The following TNPO2 variants were observed in gnomAD, a reference collection of about 807,000 sequenced individuals.
TNPO2 encodes the protein transportin 2.
A neutral mutation model predicts 111.1 loss-of-function variants in TNPO2; 16 were observed. The observed-to-expected ratio is 0.14, with a 90% CI of 0.10 to 0.22. The LOEUF is 0.22. Among genes scored for constraint, TNPO2 ranks in the 10% least tolerant of loss-of-function variants. The pLI is 1.00. For missense variants in TNPO2, 530 were observed against 1,173.7 expected (o/e 0.45, Z 8.01); for synonymous variants, 481 against 475.8 (o/e 1.01, Z -0.14).
At chr19:12,712,263 C>T (rs914757527) in intron 10 of TNPO2, among the ~76,000 whole-genome samples, 2 of 152,176 alleles carry the variant, frequency 1.3e-5, no homozygotes, top group African/African-American at 4.8e-5. Flanking sequence ...CGTTACCAGG[C>T]GGATCATGGT....
At chr19:12,709,943 T>G (rs1219052825) in intron 13 of TNPO2, among the ~76,000 whole-genome samples, 3 of 152,174 alleles carry the variant, frequency 2.0e-5, no homozygotes, top group Non-Finnish European at 4.4e-5. Flanking sequence ...TTTTGAAAGC[T>G]TACAAGGTTG....
intron 5 of TNPO2, among the ~76,000 whole-genome samples, chr19:12,718,380 T>C (rs545367234): frequency 6.6e-6 from 1 of 152,298 alleles, no homozygotes; most frequent in South Asian, 2.1e-4. Flanking sequence ...TTGGCCAGGA[T>C]GGTCTTGATT....
At position 12,720,038 on chromosome 19, in the gene TNPO2, A is replaced by G. The variant is rs529742949; in HGVS notation, c.100-702T>C. Among the ~76,000 whole-genome samples the G allele has an allele frequency of 3.3e-5, 5 of 151,638 alleles. No individual in the cohort carries two copies. The South Asian group carries it at 1.0e-3, about 32-fold the overall frequency. On this transcript the variant is annotated intron_variant, in intron 3 of 25. Transcript: ENST00000425528. ...TAAATATTTATTTATTTATTTTCAG[A>G]CAGAGTCTCACTCTGTCACTTAGGC...
chr19:12,711,634 T>C, intron 10 of TNPO2, 21 bp from the exon 11 acceptor site: 1 of 1,611,044 alleles, frequency 6.2e-7, no homozygotes, highest in Non-Finnish European at 8.5e-7. Context: ...AGGGACTGTT[T>C]ATGGGGATGC....
intron 13 of TNPO2, among the ~76,000 whole-genome samples, chr19:12,709,294 G>A (rs936412329): frequency 3.3e-5 from 5 of 150,644 alleles, no homozygotes; most frequent in East Asian, 2.0e-4. Flanking sequence ...CCTGGAAGGC[G>A]GAGGTTGCAG....
At position 12,719,104 on chromosome 19, in the gene TNPO2, G is replaced by C; in HGVS notation, c.250C>G (p.Pro84Ala). 1 of 1,613,986 alleles carries C rather than the reference G, an allele frequency of 6.2e-7. No individual in the cohort carries two copies. The highest frequency in any genetic ancestry group is 8.5e-7 in the Non-Finnish European group (1 of 1,179,896). ...TCCTGTTTGATGAAGTCTGCCACAG[G>C]GGGTGGGAAGCTCTGATAGTGTGCC... ...VKAHYQSFPP[P>A]VADFIKQECL... Residue 84 changes from proline (P) to alanine (A), a missense_variant, in exon 5 of 26, where the codon CCT (proline) becomes GCT (alanine). Coordinates refer to ENST00000425528, the MANE Select transcript of TNPO2 (RefSeq NM_001382241.1). This position sits in a 1 kb window ranked among gnomAD's most constrained non-coding sequence, Gnocchi z 5.0.
At chr19:12,713,044 C>T (rs921582343) in intron 10 of TNPO2, among the ~76,000 whole-genome samples, 1 of 152,202 alleles carries the variant, frequency 6.6e-6, no homozygotes, top group Admixed American at 6.6e-5. Flanking sequence ...AGCCATGGCA[C>T]TCAGCCTGCA....
chr19:12,714,705 A>T, intron 10 of TNPO2, 116 bp downstream of exon 10: 1 of 819,496 alleles, frequency 1.2e-6, no homozygotes, highest in South Asian at 1.5e-5. Flanking sequence ...TATATACTGA[A>T]TGTAAACTGA....
chr19:12,709,495 T>C (rs936842565), intron 13 of TNPO2, among the ~76,000 whole-genome samples: 1 of 151,656 alleles, frequency 6.6e-6, no homozygotes, highest in South Asian at 2.1e-4. Context: ...CTTTAGACAA[T>C]TTTTTTTTGA....
chr19:12,699,320 G>C lies in TNPO2; in HGVS notation c.*1944C>G, dbSNP rs751757599. 2 of 428,584 alleles carry C rather than the reference G, an allele frequency of 4.7e-6. No individual in the cohort carries two copies. The highest frequency in any genetic ancestry group is 2.1e-5 in the African/African-American group (1 of 48,688). The allele number at this position is 428,584 out of a possible 1,614,324, so 26.5% of individuals were successfully genotyped here. ...GGACAGACCCGGGAGCCCGCAGGGG[G>C]AAGAGGGTGAGGAGGGAAAGAGGGA... On this transcript the variant is annotated 3_prime_UTR_variant, in exon 26 of 26. Transcript: ENST00000425528.
At position 12,710,608 on chromosome 19, in the gene TNPO2, C is replaced by T; in HGVS notation, c.1270+13G>A. Reference sequence around the variant, plus strand: ...TCATGCCAGCACAGGGCTCAGAGATCAGGCGCACTCACCCTCAGCAATGGC... The same window carrying T: ...TCATGCCAGCACAGGGCTCAGAGATTAGGCGCACTCACCCTCAGCAATGGC... On this transcript the variant is annotated intron_variant, in intron 13 of 25. Transcript: ENST00000425528. 2 of 1,612,110 alleles carry T rather than the reference C, an allele frequency of 1.2e-6. No individual in the cohort carries two copies. Among genetic ancestry groups the T allele is most frequent in the East Asian group, 2.2e-5 (1 of 44,778 alleles).
Position 12,720,987 on chromosome 19 carries a change from C to T in TNPO2, c.-10G>A, listed in dbSNP as rs142147947. 5 of 1,570,720 alleles carry T rather than the reference C, an allele frequency of 3.2e-6. No homozygotes were observed. The African/African-American group carries it at 5.4e-5, about 17-fold the overall frequency. ...CTGGCTGCCAGTCCATGGCGCAAGG[C>T]AAGCTGCGGAGGTAGGGGCCGGGGT... On this transcript the variant is annotated 5_prime_UTR_variant, in exon 3 of 26. Coordinates refer to ENST00000425528, the MANE Select transcript of TNPO2 (RefSeq NM_001382241.1).
Position 12,721,740 on chromosome 19 carries a change from C to T in TNPO2, c.-13-750G>A. On this transcript the variant is annotated intron_variant, in intron 2 of 25. Transcript: ENST00000425528. The surrounding 1 kb of genome is among the most constrained non-coding windows in gnomAD (Gnocchi z 4.9). ...CAACCCACTATAGGAGCCCCCTGGA[C>T]CGATCCCAGTCGCCTTCCCCAATCA... 1 of 163,970 alleles carries T rather than the reference C, an allele frequency of 6.1e-6. No individual in the cohort carries two copies. The allele number at this position is 163,970 out of a possible 1,614,324, so 10.2% of individuals were successfully genotyped here.
intron 18 of TNPO2, among the ~76,000 whole-genome samples, chr19:12,704,681 CT>C (rs55834133): frequency 1 from 151,700 of 151,880 alleles, 75,763 homozygotes; most frequent in Middle Eastern, 1. Context: ...TTTCTATTTT[CT>C]TTTCTTTCTT....
intron 10 of TNPO2, among the ~76,000 whole-genome samples, chr19:12,712,225 C>A (rs28698395): frequency 6.6e-6 from 1 of 152,152 alleles, no homozygotes; most frequent in East Asian, 1.9e-4. Context: ...CTTGGTCTAG[C>A]GGTGACGCCA....
chr19:12,711,231 G>A, intron 12 of TNPO2, 65 bp downstream of exon 12: 1 of 1,568,902 alleles, frequency 6.4e-7, no homozygotes, highest in Non-Finnish European at 8.6e-7. Context: ...TCAGCTTCTA[G>A]TCACCTCCCA....
intron 12 of TNPO2, 131 bp from the exon 13 acceptor site, chr19:12,710,904 G>GT (rs2025999549): frequency 9.4e-6 from 10 of 1,059,900 alleles, no homozygotes; most frequent in African/African-American, 3.3e-5. Context: ...TTTTTGTTTT[G>GT]TTTTTTTGAG....
chr19:12,711,986 T>C (rs2026079069), intron 10 of TNPO2, among the ~76,000 whole-genome samples: 1 of 151,142 alleles, frequency 6.6e-6, no homozygotes, highest in African/African-American at 2.4e-5. Flanking sequence ...AAAACAAGAA[T>C]AGTTATACCA....
chr19:12,723,462 A>G (rs990015336), intron 1 of TNPO2, 97 bp from the exon 2 acceptor site: 1 of 152,058 alleles, frequency 6.6e-6, no homozygotes, highest in African/African-American at 2.4e-5. Flanking sequence ...ACCTCCTGCC[A>G]CTTGAAGCCT....
Sources: allele counts gnomAD v4.1 joint callset (sites outside exome capture counted in the v4.1 genomes callset), GRCh38; gene constraint gnomAD v4.1.1; non-coding constraint Gnocchi (gnomAD v3.1); transcripts MANE v1.5; gene names NCBI Gene and HGNC (gene_info 2026-07-23, HGNC 2026-07-21).